Variants in LETMD1 observed in about 807,000 individuals in gnomAD.
LETMD1 encodes the protein LETM1 domain-containing protein 1.
In LETMD1, 30 loss-of-function variants were observed where a neutral mutation model predicts 43.9. The ratio of observed to expected loss-of-function variants is 0.68; its 90% CI spans 0.51 to 0.93. The LOEUF (loss-of-function observed/expected upper bound fraction) is 0.93. Ranked by LOEUF, LETMD1 falls within the 40% of genes least tolerant of loss-of-function variation. The pLI is 0.00. For synonymous variants in LETMD1, 176 were observed against 163.1 expected (o/e 1.08, Z -0.60); for missense variants, 413 against 447.7 (o/e 0.92, Z 0.70).
chr12:51,053,898 T>C (rs1180034907), intron 4 of LETMD1, 38 bp downstream of exon 4: 1 of 1,346,192 alleles, frequency 7.4e-7, no homozygotes. Flanking sequence ...ATCTTGAAGA[T>C]GTATCAATTT....
At chr12:51,052,780 C>A (rs780528945) in intron 3 of LETMD1, among the ~76,000 whole-genome samples, 3 of 143,838 alleles carry the variant, frequency 2.1e-5, no homozygotes, top group Non-Finnish European at 3.0e-5. Flanking sequence ...GACTCCATCT[C>A]AAAAAAAAAT....
chr12:51,048,558 T>A, intron 1 of LETMD1, 80 bp downstream of exon 1: 1 of 1,547,924 alleles, frequency 6.5e-7, no homozygotes, highest in Non-Finnish European at 8.8e-7. Flanking sequence ...TTCTGTCTCT[T>A]AATTCTCAGA....
intron 2 of LETMD1, among the ~76,000 whole-genome samples, chr12:51,051,176 C>T (rs1332686942): frequency 1.3e-5 from 2 of 151,134 alleles, no homozygotes; most frequent in Non-Finnish European, 3.0e-5. Flanking sequence ...GAGGCCAAGG[C>T]GGGCGGATCA....
chr12:51,057,334 T>G (rs1238799122), intron 7 of LETMD1: 1 of 152,198 alleles, frequency 6.6e-6, no homozygotes, highest in Non-Finnish European at 1.5e-5. Context: ...TGGGCTCAAG[T>G]GATCCTCCCG....
At position 51,048,368 on chromosome 12, in the gene LETMD1, C is replaced by T. The variant is rs774419718; in HGVS notation, c.12C>T (p.Ser4=). Residue 4 remains serine (S), a synonymous_variant, in exon 1 of 9, where the codon TCC becomes TCT. Transcript: ENST00000262055. Reference sequence around the variant, plus strand: ...CTCTCGCTGTGAAGATGGCGCTCTCCAGGGTGTGCTGGGCTCGGTCGGCTG... The same window carrying T: ...CTCTCGCTGTGAAGATGGCGCTCTCTAGGGTGTGCTGGGCTCGGTCGGCTG... MAL[S]RVCWARSAVW... The T allele has an allele frequency of 3.5e-5, 56 of 1,614,006 alleles. No individual in the cohort carries two copies. In the South Asian group the frequency reaches 5.1e-4, roughly 15 times the overall value.
chr12:51,058,272 A>G (rs1281482827), intron 8 of LETMD1, 144 bp downstream of exon 8: 1 of 641,044 alleles, frequency 1.6e-6, no homozygotes, highest in Non-Finnish European at 2.8e-6. Flanking sequence ...TCACATGCCT[A>G]CTGCATGCCC....
Position 51,059,522 on chromosome 12 carries a change from T to A in LETMD1, c.*91T>A. On this transcript the variant is annotated 3_prime_UTR_variant, in exon 9 of 9. Transcript: ENST00000262055. ...ACTTGCCAGCAAAGTCTGTGTGTAC[T>A]GTTAAGTGTGTGGGAGGCAGAGAGA... 1 of 1,132,452 alleles carries A rather than the reference T, an allele frequency of 8.8e-7. No homozygotes were observed. Among genetic ancestry groups the A allele is most frequent in the Non-Finnish European group, 1.3e-6 (1 of 747,272 alleles). The allele number at this position is 1,132,452 out of a possible 1,614,324, so 70.2% of individuals were successfully genotyped here.
chr12:51,056,164 A>C lies in LETMD1; in HGVS notation c.681A>C (p.Pro227=), dbSNP rs34441047. The C allele has an allele frequency of 4.2e-4, 680 of 1,614,238 alleles. 2 individuals carry two copies. The African/African-American group carries it at 8.0e-3, about 19-fold the overall frequency. Reference sequence around the variant, plus strand: ...CCAAGATACAGCGTGGTACCCACCCAGCAATACATGATATCTTGGCTCTGA... The same window carrying C: ...CCAAGATACAGCGTGGTACCCACCCCGCAATACATGATATCTTGGCTCTGA... ...LCTKIQRGTH[P]AIHDILALRE... Residue 227 remains proline, a synonymous_variant, in exon 6 of 9, where the codon CCA becomes CCC. Transcript: ENST00000262055.
At chr12:51,050,024 A>G (rs1358084217) in intron 2 of LETMD1, among the ~76,000 whole-genome samples, 1 of 152,192 alleles carries the variant, frequency 6.6e-6, no homozygotes, top group East Asian at 1.9e-4. Flanking sequence ...AATATGCTCT[A>G]TGCTTTTATC....
At position 51,048,740 on chromosome 12, in the gene LETMD1, C is replaced by T. The variant is rs560684355; in HGVS notation, c.122+262C>T. 6 of 596,236 alleles carry T rather than the reference C, an allele frequency of 1.0e-5. No homozygotes were observed. In the African/African-American group the frequency reaches 1.1e-4, roughly 11 times the overall value. The allele number at this position is 596,236 out of a possible 1,614,324, so 36.9% of individuals were successfully genotyped here. The stretch of plus-strand genomic sequence containing the variant: ...CTCACTTTTTCGGCTCAGGTTTTAC[C>T]GCTGCTATCTCGATTCCACCTCTTT... On this transcript the variant is annotated intron_variant, in intron 1 of 8. Coordinates refer to ENST00000262055, the MANE Select transcript of LETMD1 (RefSeq NM_015416.5).
the LETMD1 span, chr12:51,068,014 T>C: frequency 5.1e-6 from 8 of 1,568,556 alleles, no homozygotes; most frequent in Non-Finnish European, 7.0e-6. Flanking sequence ...ATGAGCGGCA[T>C]GCACCTCCTC....
Position 51,049,164 on chromosome 12 carries a change from C to T in LETMD1, c.253C>T (p.Leu85=), listed in dbSNP as rs1592522426. The T allele has an allele frequency of 8.7e-6, 14 of 1,612,488 alleles. No individual in the cohort carries two copies. Among genetic ancestry groups the T allele is most frequent in the Non-Finnish European group, 1.0e-5 (12 of 1,179,554 alleles). ...TCGTCATTTCCCCCGCTTCTATGTC[C>T]TGTACACAATCTTCATGAAAGGTAA... The part of the protein sequence containing the change: ...LGRHFPRFYV[L]YTIFMKGLQM... Residue 85 remains leucine (L), a synonymous_variant, in exon 2 of 9, where the codon CTG becomes TTG. Transcript: ENST00000262055.
rs148467895 is a variant in LETMD1, at chr12:51,048,602, C to A, written c.122+124C>A. On this transcript the variant is annotated intron_variant, in intron 1 of 8. Coordinates refer to ENST00000262055, the MANE Select transcript of LETMD1 (RefSeq NM_015416.5). ...CCTTGGCCCTGGAATTTTTATTCTT[C>A]TGTTCAGGATTCAAACTCCGATCCC... is the stretch of plus-strand genomic sequence containing the variant. 7.7e-6 allele frequency: 10 copies of A among 1,292,692 alleles called. No homozygotes were observed. The African/African-American group carries it at 1.3e-4, about 17-fold the overall frequency. The allele number at this position is 1,292,692 out of a possible 1,614,324, so 80.1% of individuals were successfully genotyped here.
chr12:51,067,807 C>A, the LETMD1 span: 1 of 1,614,220 alleles, frequency 6.2e-7, no homozygotes, highest in Non-Finnish European at 8.5e-7. The surrounding 1 kb of genome is among the most constrained non-coding windows in gnomAD (Gnocchi z 4.1). Flanking sequence ...ATACGGTGGA[C>A]CCCAGAAGCC....
chr12:51,064,714 C>G, downstream of LETMD1: 1 of 1,463,436 alleles, frequency 6.8e-7, no homozygotes, highest in South Asian at 1.5e-5. Flanking sequence ...ACCTACAATC[C>G]TAACAATGGA....
intron 8 of LETMD1, 117 bp from the exon 9 acceptor site, chr12:51,059,244 G>C: frequency 1.3e-6 from 1 of 786,710 alleles, no homozygotes. Flanking sequence ...GAGAAAAACA[G>C]CTTCTTCATT....
chr12:51,059,090 C>A, intron 8 of LETMD1: 1 of 416,392 alleles, frequency 2.4e-6, no homozygotes, highest in Non-Finnish European at 4.5e-6. Flanking sequence ...AGAAGAATCC[C>A]AACGCGACTG....
In LETMD1 at chr12:51,048,461, G is replaced by C. The variant is rs745660411; in HGVS notation, c.105G>C (p.Leu35=). Residue 35 remains leucine, a synonymous_variant, in exon 1 of 9, where the codon CTG becomes CTC. Transcript: ENST00000262055. The part of the protein sequence containing the change: ...TRRLQLGRSG[L]AWGAPRSSKL... The stretch of plus-strand genomic sequence containing the variant: ...GGCTGCAACTTGGTCGCTCTGGCCT[G>C]GCTTGGGGGGCCCCTCGGTGAGGGA... The C allele has an allele frequency of 6.2e-7, 1 of 1,613,782 alleles. No homozygotes were observed. The highest frequency in any genetic ancestry group is 8.5e-7 in the Non-Finnish European group (1 of 1,180,024).
At chr12:51,056,586 T>C in intron 7 of LETMD1, 84 bp downstream of exon 7, 1 of 1,310,790 alleles carries the variant, frequency 7.6e-7, no homozygotes. Context: ...AGGGGCTCCT[T>C]GTCTTGTTTG....
Sources: gnomAD v4.1 joint callset for allele counts (sites outside exome capture counted in the v4.1 genomes callset) on GRCh38, gnomAD v4.1.1 for gene constraint, Gnocchi (gnomAD v3.1) non-coding constraint, MANE v1.5 for transcripts, NCBI Gene and HGNC (gene_info 2026-07-23, HGNC 2026-07-21) for gene names.